Variants in HS3ST4 observed in about 807,000 individuals in gnomAD.
HS3ST4 encodes heparan sulfate glucosamine 3-O-sulfotransferase 4.
In HS3ST4, 17 loss-of-function variants were observed where a neutral mutation model predicts 29.2. That is an observed-to-expected ratio of 0.58 (90% CI 0.40 to 0.87). The LOEUF (loss-of-function observed/expected upper bound fraction) is 0.87. Among genes scored for constraint, HS3ST4 ranks in the 40% least tolerant of loss-of-function variants. The probability of loss-of-function intolerance (pLI) is 0.00; values close to 1 mark genes in which losing one functional copy is unlikely to be tolerated. For synonymous variants in HS3ST4, 314 were observed against 285.7 expected, an observed-to-expected ratio of 1.10 and a Z score of -1.00; for missense variants, 627 against 634.5, an observed-to-expected ratio of 0.99 and a Z score of 0.13.
chr16:25,996,003 A>G (rs908368868), intron 1 of HS3ST4, among the ~76,000 whole-genome samples: 3 of 91,816 alleles, frequency 3.3e-5, no homozygotes, highest in Admixed American at 2.3e-4. Context: ...TTCCTCCTTG[A>G]AAAAAAAAAA....
chr16:25,752,949 G>A (rs1010142155), intron 1 of HS3ST4, among the ~76,000 whole-genome samples: 1 of 152,174 alleles, frequency 6.6e-6, no homozygotes, highest in Non-Finnish European at 1.5e-5. Flanking sequence ...CGTATTGCAG[G>A]CAGCAATCCT....
At position 25,798,154 on chromosome 16, in the gene HS3ST4, G is replaced by C. The variant is rs142184134; in HGVS notation, c.734+105003G>C. On this transcript the variant is annotated intron_variant, in intron 1 of 1. Transcript: ENST00000331351. ...ACTTCCAAGGAGAAAGATGCACTCA[G>C]GCCAACTTCTCTATCTCTAAGAGTG... Among the ~76,000 whole-genome samples the C allele has an allele frequency of 1.6e-3, 245 of 152,290 alleles. 2 individuals carry two copies. The highest frequency in any genetic ancestry group is 5.1e-3 in the African/African-American group (213 of 41,554).
chr16:25,801,494 G>A (rs1966933898), intron 1 of HS3ST4, among the ~76,000 whole-genome samples: 1 of 152,160 alleles, frequency 6.6e-6, no homozygotes, highest in South Asian at 2.1e-4. Flanking sequence ...ACATTTTAAT[G>A]TTCTCTAGAA....
chr16:25,762,302 G>A (rs17704163), intron 1 of HS3ST4, among the ~76,000 whole-genome samples: 22,308 of 152,172 alleles, frequency 0.15, 1,781 homozygotes, highest in African/African-American at 0.21. Context: ...GGATTTGAAC[G>A]TGGGTCAGTC....
chr16:25,804,098 T>G (rs1481554960), intron 1 of HS3ST4, among the ~76,000 whole-genome samples: 1 of 152,060 alleles, frequency 6.6e-6, no homozygotes, highest in African/African-American at 2.4e-5. Context: ...TTCATCATCT[T>G]TAGAATTAGT....
intron 1 of HS3ST4, among the ~76,000 whole-genome samples, chr16:25,911,496 G>GT (rs542274531): frequency 0.018 from 1,449 of 82,002 alleles, 134 homozygotes; most frequent in African/African-American, 0.034. Flanking sequence ...CCGTTGTGTG[G>GT]TTTTTTTTTT....
chr16:26,124,899 G>C (rs1361176414), intron 1 of HS3ST4, among the ~76,000 whole-genome samples: 1 of 152,180 alleles, frequency 6.6e-6, no homozygotes, highest in African/African-American at 2.4e-5. Flanking sequence ...ACTGAAAAGG[G>C]CTTTTCTCTT....
At chr16:25,926,105 G>A (rs1224258906) in intron 1 of HS3ST4, among the ~76,000 whole-genome samples, 3 of 152,076 alleles carry the variant, frequency 2.0e-5, no homozygotes, top group Non-Finnish European at 4.4e-5. Flanking sequence ...TACATTAAAT[G>A]TACAATTCCA....
chr16:25,952,813 G>A (rs1567280044), intron 1 of HS3ST4, among the ~76,000 whole-genome samples: 1 of 152,134 alleles, frequency 6.6e-6, no homozygotes, highest in South Asian at 2.1e-4. Flanking sequence ...CATGGATAGT[G>A]CATTTCTGCA....
intron 1 of HS3ST4, among the ~76,000 whole-genome samples, chr16:25,795,064 C>T (rs76939742): frequency 6.6e-5 from 10 of 151,424 alleles, no homozygotes; most frequent in Non-Finnish European, 1.0e-4. Context: ...CTCCGCTTCC[C>T]GGGTTCAAGT....
At chr16:26,056,601 A>T (rs951890145) in intron 1 of HS3ST4, among the ~76,000 whole-genome samples, 6 of 152,222 alleles carry the variant, frequency 3.9e-5, no homozygotes, top group Admixed American at 2.6e-4. Context: ...ACTGACCTTT[A>T]CCTAATGTGT....
chr16:26,015,490 T>C (rs1460840548), intron 1 of HS3ST4, among the ~76,000 whole-genome samples: 1 of 152,188 alleles, frequency 6.6e-6, no homozygotes, highest in African/African-American at 2.4e-5. Flanking sequence ...AGAGTTTTTA[T>C]TGGGACTTTT....
intron 1 of HS3ST4, among the ~76,000 whole-genome samples, chr16:25,846,531 C>T (rs1393937459): frequency 7.5e-6 from 1 of 133,214 alleles, no homozygotes; most frequent in East Asian, 2.0e-4. Flanking sequence ...GAGACCCCAT[C>T]TCTTAAAAAA....
rs550823935 is a variant in HS3ST4 at position 26,022,614 on chromosome 16, G to C, written c.735-112998G>C. 4.1e-4 allele frequency among the ~76,000 whole-genome samples: 63 copies of C among 151,938 alleles called. 2 individuals are homozygous for C. The South Asian group carries it at 0.013, about 31-fold the overall frequency. On this transcript the variant is annotated intron_variant, in intron 1 of 1. Transcript: ENST00000331351. ...TACAGGCTGTACAGACAGGCAGCAGGTCAAAATCTGGCTTGTGGTTGTTAG... is the reference window on the plus strand; with the variant it reads ...TACAGGCTGTACAGACAGGCAGCAGCTCAAAATCTGGCTTGTGGTTGTTAG...
intron 1 of HS3ST4, among the ~76,000 whole-genome samples, chr16:25,985,585 C>A (rs570044906): frequency 1.1e-3 from 162 of 152,226 alleles, no homozygotes; most frequent in African/African-American, 3.8e-3. Context: ...TCTGGCTATT[C>A]TTTGTGTCCA....
At chr16:25,895,191 T>G (rs1968048001) in intron 1 of HS3ST4, among the ~76,000 whole-genome samples, 1 of 151,922 alleles carries the variant, frequency 6.6e-6, no homozygotes, top group African/African-American at 2.4e-5. Context: ...GTGTGGCAGT[T>G]CTGGACCATG....
At chr16:25,825,763 C>T (rs991842297) in intron 1 of HS3ST4, 1 of 152,180 alleles carries the variant, frequency 6.6e-6, no homozygotes, top group Non-Finnish European at 1.5e-5. Flanking sequence ...AGGATTTGGT[C>T]TCTGGATGCA....
chr16:25,762,131 G>A (rs757313424), intron 1 of HS3ST4, among the ~76,000 whole-genome samples: 16 of 152,124 alleles, frequency 1.1e-4, no homozygotes, highest in South Asian at 4.2e-4. Flanking sequence ...GGATGTAACC[G>A]AGAAAGGGGG....
At chr16:26,096,397 C>T (rs775326286) in intron 1 of HS3ST4, among the ~76,000 whole-genome samples, 37 of 152,148 alleles carry the variant, frequency 2.4e-4, no homozygotes, top group Non-Finnish European at 3.5e-4. Flanking sequence ...TTACCCACCA[C>T]GATCAGGTTG....
Sources: allele counts gnomAD v4.1 joint callset (sites outside exome capture counted in the v4.1 genomes callset), GRCh38; gene constraint gnomAD v4.1.1; transcripts MANE v1.5; gene names NCBI Gene and HGNC (gene_info 2026-07-23, HGNC 2026-07-21).